Variants in WARS1 observed in about 807,000 individuals in gnomAD.
WARS1 encodes tryptophan--tRNA ligase, cytoplasmic.
Under a neutral mutation model 47.8 loss-of-function variants are expected in WARS1, and 17 were observed. The observed-to-expected ratio is 0.36, with a 90% CI of 0.24 to 0.53. The LOEUF is 0.53. Ranked by LOEUF, WARS1 falls within the 20% of genes least tolerant of loss-of-function variation. The pLI is 0.91. For missense variants in WARS1, 434 were observed against 608.0 expected (o/e 0.71, Z 3.01); for synonymous variants, 208 against 228.1 (o/e 0.91, Z 0.79).
At chr14:100,363,654 A>G (rs6575774) in intron 2 of WARS1, among the ~76,000 whole-genome samples, 146,479 of 152,206 alleles carry the variant, frequency 0.96, 70,737 homozygotes, top group East Asian at 1. Context: ...CCGAGATTGC[A>G]CCACTGCACT....
At chr14:100,336,200 C>A (rs1038780311) in intron 10 of WARS1, among the ~76,000 whole-genome samples, 36 of 146,502 alleles carry the variant, frequency 2.5e-4, no homozygotes, top group Non-Finnish European at 4.5e-5. Flanking sequence ...GGTGTGAACC[C>A]GGGAGGCAGA....
rs974703004 is a variant in WARS1, at chr14:100,373,770, A to G, written c.-74+1513T>C. On this transcript the variant is annotated intron_variant, in intron 1 of 10. Coordinates refer to ENST00000392882, the MANE Select transcript of WARS1 (RefSeq NM_004184.4). This position sits in a 1 kb window ranked among gnomAD's most constrained non-coding sequence, Gnocchi z 4.4. ...AATTAGACTGAGGAAATAGCAGATG[A>G]TCATGATCACAAGGCATATACTTTG... 1.1e-4 allele frequency among the ~76,000 whole-genome samples: 17 copies of G among 152,096 alleles called. No homozygotes were observed. Among genetic ancestry groups the G allele is most frequent in the African/African-American group, 4.1e-4 (17 of 41,388 alleles).
At chr14:100,372,457 C>T (rs1896408796) in intron 1 of WARS1, among the ~76,000 whole-genome samples, 1 of 152,154 alleles carries the variant, frequency 6.6e-6, no homozygotes, top group South Asian at 2.1e-4. Flanking sequence ...ACCTCAGTTC[C>T]CAGAAAGGGA....
chr14:100,347,374 C>A (rs1338686014), intron 6 of WARS1, among the ~76,000 whole-genome samples: 1 of 152,170 alleles, frequency 6.6e-6, no homozygotes, highest in Non-Finnish European at 1.5e-5. Flanking sequence ...CTCCCCCCTG[C>A]TGTTTGGGCA....
At chr14:100,362,562 C>A (rs954395857) in intron 2 of WARS1, among the ~76,000 whole-genome samples, 1 of 151,792 alleles carries the variant, frequency 6.6e-6, no homozygotes, top group Non-Finnish European at 1.5e-5. Flanking sequence ...TAAAATGTAC[C>A]CTTGGGTAGT....
chr14:100,338,426 G>A (rs1893898068), intron 9 of WARS1, among the ~76,000 whole-genome samples: 1 of 151,988 alleles, frequency 6.6e-6, no homozygotes, highest in Admixed American at 6.6e-5. Context: ...CCACCAGCCT[G>A]GCTAATTTTT....
At chr14:100,359,916 C>G (rs1895556097) in intron 4 of WARS1, among the ~76,000 whole-genome samples, 1 of 152,110 alleles carries the variant, frequency 6.6e-6, no homozygotes, top group African/African-American at 2.4e-5. Context: ...GGGTTGTTCT[C>G]CTGTAAGCGT....
intron 10 of WARS1, 61 bp downstream of exon 10, chr14:100,337,001 G>T: frequency 6.3e-7 from 1 of 1,589,120 alleles, no homozygotes; most frequent in Non-Finnish European, 8.6e-7. Context: ...AGCCTTCCAG[G>T]CCCCATGGGC....
At chr14:100,360,168 G>A (rs1213733482) in intron 4 of WARS1, among the ~76,000 whole-genome samples, 1 of 151,850 alleles carries the variant, frequency 6.6e-6, no homozygotes, top group Non-Finnish European at 1.5e-5. Context: ...CAATACAATA[G>A]GAGGAAGAGG....
intron 2 of WARS1, among the ~76,000 whole-genome samples, 157 bp downstream of exon 2, chr14:100,368,930 C>T (rs1359955410): frequency 2.6e-5 from 4 of 152,178 alleles, no homozygotes; most frequent in African/African-American, 9.7e-5. Context: ...CATTGCACTC[C>T]AGCCTGGGAA....
chr14:100,346,846 C>T lies in WARS1; in HGVS notation c.726G>A (p.Gly242=). The T allele has an allele frequency of 6.2e-7, 1 of 1,611,754 alleles. No homozygotes were observed. Among genetic ancestry groups the T allele is most frequent in the Non-Finnish European group, 8.5e-7 (1 of 1,177,982 alleles). ...TFIFSDLDYM[G]MSSGFYKNVV... The stretch of plus-strand genomic sequence containing the variant: ...CATTTTTGTAGAAACCTGAGCTCAT[C>T]CTGCAAAGACAACGAGAATGAAATC... The change falls in exon 7 of 11, where the codon GGG becomes GGA. Residue 242 remains glycine, a splice_region_variant and synonymous_variant. Transcript: ENST00000392882.
chr14:100,345,362 C>T (rs1354905544), intron 7 of WARS1, among the ~76,000 whole-genome samples: 1 of 152,088 alleles, frequency 6.6e-6, no homozygotes, highest in Non-Finnish European at 1.5e-5. Flanking sequence ...GTGACCTTAC[C>T]CCCAACCCTG....
In WARS1 at chr14:100,358,467, T is replaced by A. The variant is rs530986984; in HGVS notation, c.422+2087A>T. 3.3e-5 allele frequency among the ~76,000 whole-genome samples: 5 copies of A among 152,210 alleles called. No individual in the cohort carries two copies. In the East Asian group the frequency reaches 7.7e-4, roughly 24 times the overall value. Reference sequence around the variant, plus strand: ...TTTTCAAAAAACAGTGCTGGGACAATTGGATACCCACAAGCAAAAGAATGA... The same window carrying A: ...TTTTCAAAAAACAGTGCTGGGACAAATGGATACCCACAAGCAAAAGAATGA... On this transcript the variant is annotated intron_variant, in intron 4 of 10. Transcript: ENST00000392882.
chr14:100,375,963 C>G (rs1896634657), upstream of WARS1: 1 of 152,674 alleles, frequency 6.5e-6, no homozygotes, highest in Admixed American at 6.5e-5. Flanking sequence ...AAGCCTCTGG[C>G]ACATGGCAGG....
At chr14:100,335,510 TG>T (rs1473478989) in intron 10 of WARS1, among the ~76,000 whole-genome samples, 1 of 152,080 alleles carries the variant, frequency 6.6e-6, no homozygotes, top group African/African-American at 2.4e-5. Flanking sequence ...CCTGAGTAGC[TG>T]GGATTACAGG....
At chr14:100,339,526 G>C (rs1894007596) in intron 9 of WARS1, among the ~76,000 whole-genome samples, 1 of 132,968 alleles carries the variant, frequency 7.5e-6, no homozygotes, top group African/African-American at 2.7e-5. Flanking sequence ...GGGAGGCAGA[G>C]CTTGCAGTGA....
chr14:100,350,311 G>C (rs1352006456), intron 6 of WARS1, among the ~76,000 whole-genome samples: 7 of 144,808 alleles, frequency 4.8e-5, no homozygotes, highest in Non-Finnish European at 1.5e-5. Context: ...AGAATTGCTT[G>C]AACCCAGGAG....
At chr14:100,370,802 G>A (rs931276991) in intron 1 of WARS1, among the ~76,000 whole-genome samples, 2 of 150,632 alleles carry the variant, frequency 1.3e-5, no homozygotes, top group African/African-American at 4.9e-5. Flanking sequence ...AAAATTAGCT[G>A]GGCATGGTGG....
chr14:100,358,464 C>CA (rs1203662186), intron 4 of WARS1, among the ~76,000 whole-genome samples: 1 of 152,040 alleles, frequency 6.6e-6, no homozygotes, highest in Non-Finnish European at 1.5e-5. Context: ...AGTGCTGGGA[C>CA]AATTGGATAC....
Sources: allele counts gnomAD v4.1 joint callset (sites outside exome capture counted in the v4.1 genomes callset), GRCh38; gene constraint gnomAD v4.1.1; non-coding constraint Gnocchi (gnomAD v3.1); transcripts MANE v1.5; gene names NCBI Gene and HGNC (gene_info 2026-07-23, HGNC 2026-07-21).